Variants in SNAP91 observed in about 807,000 individuals in gnomAD.
SNAP91 encodes clathrin coat assembly protein AP180.
A neutral mutation model predicts 100.3 loss-of-function variants in SNAP91; 27 were observed. The ratio of observed to expected loss-of-function variants is 0.27; its 90% CI spans 0.20 to 0.37. SNAP91 has a LOEUF of 0.37. SNAP91 is among the 10% of genes least tolerant of loss of function. The pLI is 1.00. For missense variants in SNAP91, 986 were observed against 1,123.7 expected (o/e 0.88, Z 1.75); for synonymous variants, 404 against 398.6 (o/e 1.01, Z -0.16).
chr6:83,595,596 G>C (rs933091788), intron 16 of SNAP91, among the ~76,000 whole-genome samples: 1 of 152,248 alleles, frequency 6.6e-6, no homozygotes, highest in East Asian at 1.9e-4. Flanking sequence ...GAAAACCCTG[G>C]AGAGTGGAGA....
intron 2 of SNAP91, among the ~76,000 whole-genome samples, chr6:83,676,016 T>C (rs1490491017): frequency 6.6e-6 from 1 of 150,994 alleles, no homozygotes; most frequent in Non-Finnish European, 1.5e-5. Flanking sequence ...GAGGCTGAGG[T>C]GGGAAGATCA....
chr6:83,583,786 T>C (rs1831866233), intron 22 of SNAP91, among the ~76,000 whole-genome samples: 1 of 152,324 alleles, frequency 6.6e-6, no homozygotes, highest in East Asian at 1.9e-4. Flanking sequence ...ATTTTGAAAG[T>C]GATTTCCACT....
intron 11 of SNAP91, among the ~76,000 whole-genome samples, chr6:83,611,863 ATTTTTTTTTTTT>A (rs750966269): frequency 3.5e-4 from 32 of 91,254 alleles, no homozygotes; most frequent in Admixed American, 5.3e-4. Flanking sequence ...CGCCCGGCTA[ATTTTTTTTTTTT>A]TTTTTTTTTT....
At chr6:83,633,204 G>C (rs1179747315) in intron 8 of SNAP91, among the ~76,000 whole-genome samples, 1 of 152,186 alleles carries the variant, frequency 6.6e-6, no homozygotes, top group Non-Finnish European at 1.5e-5. Context: ...CTGGTACTGG[G>C]GGGTTGTCTC....
intron 8 of SNAP91, among the ~76,000 whole-genome samples, chr6:83,634,880 C>T (rs1192569454): frequency 6.6e-6 from 1 of 152,056 alleles, no homozygotes; most frequent in African/African-American, 2.4e-5. Flanking sequence ...TGATTTCTGC[C>T]TTAATTTTGT....
chr6:83,631,600 TTG>T (rs2097206936), intron 8 of SNAP91, among the ~76,000 whole-genome samples: 1 of 152,190 alleles, frequency 6.6e-6, no homozygotes, highest in East Asian at 1.9e-4. Context: ...TGTCCTTTTT[TTG>T]TCTTTTTTAA....
At chr6:83,615,177 T>C (rs1482695533) in intron 10 of SNAP91, among the ~76,000 whole-genome samples, 3 of 152,090 alleles carry the variant, frequency 2.0e-5, no homozygotes, top group Admixed American at 2.0e-4. Context: ...AGATTTGAAG[T>C]CAGGGCTAAT....
chr6:83,619,114 A>T (rs901902520), intron 9 of SNAP91, among the ~76,000 whole-genome samples: 8 of 48,064 alleles, frequency 1.7e-4, no homozygotes, highest in Admixed American at 6.2e-4. Context: ...TAGAAGTCAC[A>T]AAAAAAAAAT....
intron 26 of SNAP91, among the ~76,000 whole-genome samples, chr6:83,567,385 G>T (rs373135592): frequency 6.6e-5 from 10 of 152,190 alleles, no homozygotes; most frequent in African/African-American, 9.6e-5. Context: ...ATGTTAGACC[G>T]AAAACCATAA....
intron 2 of SNAP91, among the ~76,000 whole-genome samples, chr6:83,684,765 C>G (rs1265013126): frequency 1.3e-5 from 2 of 152,028 alleles, no homozygotes; most frequent in Non-Finnish European, 2.9e-5. Flanking sequence ...TCTTGGAGCT[C>G]TGTTATTTTT....
intron 11 of SNAP91, among the ~76,000 whole-genome samples, chr6:83,611,134 G>A (rs1463535516): frequency 2.6e-5 from 4 of 151,992 alleles, no homozygotes; most frequent in African/African-American, 7.2e-5. Flanking sequence ...AAAGTACACT[G>A]TGAAGATCCC....
intron 7 of SNAP91, among the ~76,000 whole-genome samples, chr6:83,653,870 A>G (rs1453567594): frequency 6.6e-6 from 1 of 152,134 alleles, no homozygotes; most frequent in Admixed American, 6.6e-5. Flanking sequence ...AAATAGATGT[A>G]GTGGGCTGGA....
rs1309804024 is a variant in SNAP91, at chr6:83,591,383, G to A, written c.1931-89C>T. 3.5e-6 allele frequency: 3 copies of A among 846,540 alleles called. No homozygotes were observed. In the African/African-American group the frequency reaches 4.9e-5, roughly 14 times the overall value. 52.4% of individuals were successfully genotyped at this position (846,540 alleles called of 1,614,324 possible). ...TTTAAGTATTATGTAGAGAAATGCAGAGACATGACAGTGTACAGTGAGCTT... is the reference window on the plus strand; with the variant it reads ...TTTAAGTATTATGTAGAGAAATGCAAAGACATGACAGTGTACAGTGAGCTT... On this transcript the variant is annotated intron_variant, in intron 21 of 29. Transcript: ENST00000369694.
chr6:83,631,879 A>G (rs148406761), intron 8 of SNAP91, among the ~76,000 whole-genome samples: 293 of 152,114 alleles, frequency 1.9e-3, no homozygotes, highest in African/African-American at 6.9e-3. Context: ...TCATTGTGCT[A>G]TTTGTTGCCT....
intron 16 of SNAP91, among the ~76,000 whole-genome samples, chr6:83,596,182 C>A (rs950754139): frequency 6.6e-6 from 1 of 152,114 alleles, no homozygotes; most frequent in Non-Finnish European, 1.5e-5. Flanking sequence ...AGCCTCCTCA[C>A]GGACTGGGAT....
chr6:83,680,171 T>C (rs1348957752), intron 2 of SNAP91, among the ~76,000 whole-genome samples: 1 of 152,192 alleles, frequency 6.6e-6, no homozygotes, highest in Non-Finnish European at 1.5e-5. Flanking sequence ...TTAAAGAGTT[T>C]ATCATATTAC....
intron 10 of SNAP91, among the ~76,000 whole-genome samples, chr6:83,615,608 G>A (rs949821568): frequency 3.3e-5 from 5 of 152,116 alleles, no homozygotes; most frequent in African/African-American, 1.2e-4. Context: ...CCTGGACTGT[G>A]GAAACAACCT....
chr6:83,592,601 T>C, intron 20 of SNAP91, 63 bp from the exon 21 acceptor site: 1 of 1,303,402 alleles, frequency 7.7e-7, no homozygotes, highest in South Asian at 1.3e-5. Context: ...ACCATGAGCC[T>C]TGACAAATGG....
chr6:83,668,218 T>G (rs952841907), intron 2 of SNAP91, among the ~76,000 whole-genome samples: 2 of 152,146 alleles, frequency 1.3e-5, no homozygotes, highest in Non-Finnish European at 2.9e-5. Flanking sequence ...AGGAACACTT[T>G]TACACTGTTG....
Sources: allele counts gnomAD v4.1 joint callset (sites outside exome capture counted in the v4.1 genomes callset), GRCh38; gene constraint gnomAD v4.1.1; transcripts MANE v1.5; gene names NCBI Gene and HGNC (gene_info 2026-07-23, HGNC 2026-07-21).